The following BTRC variants were observed in gnomAD, a reference collection of about 807,000 sequenced individuals.
BTRC encodes beta-transducin repeat containing E3 ubiquitin protein ligase.
Under a neutral mutation model 85.5 loss-of-function variants are expected in BTRC, and 42 were observed. That is an observed-to-expected ratio of 0.49 (90% CI 0.38 to 0.64). BTRC has a LOEUF of 0.64. Among genes scored for constraint, BTRC ranks in the 30% least tolerant of loss-of-function variants. BTRC has a pLI of 0.00. For synonymous variants in BTRC, 255 were observed against 263.3 expected (o/e 0.97, Z 0.30); for missense variants, 594 against 743.5 (o/e 0.80, Z 2.34).
chr10:101,366,918 TTATATATATTTA>T (rs1415143155), intron 1 of BTRC, among the ~76,000 whole-genome samples: 4 of 3,184 alleles, frequency 1.3e-3, no homozygotes, highest in Admixed American at 8.8e-3. Context: ...TAATATATAT[TTATATATATTTA>T]TATATATTTA....
At chr10:101,529,004 A>C (rs548827867) in intron 6 of BTRC, among the ~76,000 whole-genome samples, 30 of 152,248 alleles carry the variant, frequency 2.0e-4, no homozygotes, top group Non-Finnish European at 3.7e-4. Flanking sequence ...CTGTCTGCTC[A>C]GTAATGGTAA....
At chr10:101,354,307 G>A in intron 1 of BTRC, 79 bp downstream of exon 1, 5 of 1,481,284 alleles carry the variant, frequency 3.4e-6, no homozygotes, top group South Asian at 1.2e-5. Flanking sequence ...CCCGCCCACT[G>A]CGGGACCGGG....
chr10:101,418,363 G>C (rs1944003335), intron 1 of BTRC, among the ~76,000 whole-genome samples: 1 of 151,738 alleles, frequency 6.6e-6, no homozygotes, highest in Non-Finnish European at 1.5e-5. Flanking sequence ...GCAAGACTCT[G>C]TCTCAAAAAA....
chr10:101,386,678 A>C (rs1204135689), intron 1 of BTRC, among the ~76,000 whole-genome samples: 1 of 152,202 alleles, frequency 6.6e-6, no homozygotes, highest in Non-Finnish European at 1.5e-5. Flanking sequence ...CCAGTGTCAC[A>C]ATTGATGACA....
Position 101,366,950 on chromosome 10 carries a change from AT to A in BTRC, c.48+12723del, listed in dbSNP as rs1564730528. Among the ~76,000 whole-genome samples, 60 of 40,578 alleles carry A rather than the reference AT, an allele frequency of 1.5e-3. 2 individuals carry two copies. The highest frequency in any genetic ancestry group is 6.7e-3 in the East Asian group (16 of 2,384). 26.6% of individuals were successfully genotyped at this position (40,578 alleles called of 152,430 possible). ...TATTTATATATATTTATATATATTT[AT>A]ATATATATTTATATAAATATATATT... On this transcript the variant is annotated intron_variant, in intron 1 of 14. Transcript: ENST00000370187.
At chr10:101,474,195 T>C (rs922417619) in intron 3 of BTRC, among the ~76,000 whole-genome samples, 11 of 152,224 alleles carry the variant, frequency 7.2e-5, no homozygotes, top group African/African-American at 2.7e-4. Context: ...ACCAACATTA[T>C]AAATGGTACA....
chr10:101,416,843 A>G (rs1017369476), intron 1 of BTRC, among the ~76,000 whole-genome samples: 2 of 152,042 alleles, frequency 1.3e-5, no homozygotes, highest in Non-Finnish European at 2.9e-5. Context: ...TCCATTTTCT[A>G]TATTTTATTT....
intron 1 of BTRC, among the ~76,000 whole-genome samples, chr10:101,377,102 C>T: frequency 6.6e-6 from 1 of 152,176 alleles, no homozygotes; most frequent in East Asian, 1.9e-4. Flanking sequence ...CCCTCTTCCT[C>T]ACTTCATTTT....
chr10:101,541,550 G>A (rs1454443621), intron 13 of BTRC, among the ~76,000 whole-genome samples: 1 of 152,090 alleles, frequency 6.6e-6, no homozygotes, highest in African/African-American at 2.4e-5. Context: ...GTGAACCACC[G>A]CGCCCGGCCT....
chr10:101,424,361 A>T (rs1001672769), intron 1 of BTRC, among the ~76,000 whole-genome samples: 1 of 152,040 alleles, frequency 6.6e-6, no homozygotes, highest in Non-Finnish European at 1.5e-5. Flanking sequence ...GGGATTCTTA[A>T]GAGGCAATCA....
intron 5 of BTRC, among the ~76,000 whole-genome samples, chr10:101,523,769 G>T (rs2062153340): frequency 6.6e-6 from 1 of 151,888 alleles, no homozygotes; most frequent in South Asian, 2.1e-4. Flanking sequence ...TTCTAAATTT[G>T]TGTTCTCAAA....
intron 1 of BTRC, among the ~76,000 whole-genome samples, chr10:101,383,473 T>C (rs1564739558): frequency 6.6e-6 from 1 of 152,126 alleles, no homozygotes; most frequent in Non-Finnish European, 1.5e-5. Context: ...CGAGCAGATA[T>C]TTTGCTCATG....
At chr10:101,409,401 GTTTATT>G (rs1943715940) in intron 1 of BTRC, among the ~76,000 whole-genome samples, 2 of 152,124 alleles carry the variant, frequency 1.3e-5, no homozygotes, top group South Asian at 4.1e-4. Flanking sequence ...TTTATTAGTA[GTTTATT>G]TTTATGGCTG....
intron 1 of BTRC, 75 bp downstream of exon 1, chr10:101,354,303 C>G: frequency 6.0e-6 from 9 of 1,496,858 alleles, no homozygotes; most frequent in Non-Finnish European, 8.1e-6. Context: ...GCCGCCCGCC[C>G]ACTGCGGGAC....
At chr10:101,396,007 A>C (rs1038403499) in intron 1 of BTRC, among the ~76,000 whole-genome samples, 1 of 151,998 alleles carries the variant, frequency 6.6e-6, no homozygotes, top group Non-Finnish European at 1.5e-5. Context: ...AGCTTTTCCC[A>C]GCTCTAGGGA....
intron 1 of BTRC, among the ~76,000 whole-genome samples, chr10:101,418,080 A>G (rs935861755): frequency 4.6e-5 from 7 of 152,016 alleles, no homozygotes; most frequent in Admixed American, 1.3e-4. Flanking sequence ...TAACACATAC[A>G]TTTAGGCTGG....
chr10:101,497,975 G>T (rs903029210), intron 4 of BTRC, among the ~76,000 whole-genome samples: 2 of 151,224 alleles, frequency 1.3e-5, no homozygotes, highest in African/African-American at 4.9e-5. Context: ...AGCCGTGATC[G>T]TTCCACTGCA....
chr10:101,367,752 T>A (rs557396193), intron 1 of BTRC, among the ~76,000 whole-genome samples: 1 of 152,352 alleles, frequency 6.6e-6, no homozygotes, highest in Non-Finnish European at 1.5e-5. Context: ...GTTCGTAAGA[T>A]GATTCATTCA....
chr10:101,541,674 C>T (rs2062471210), intron 13 of BTRC, among the ~76,000 whole-genome samples: 1 of 152,194 alleles, frequency 6.6e-6, no homozygotes, highest in Admixed American at 6.5e-5. Context: ...GCTTTATCTA[C>T]ATCCATTGAG....
Sources: gnomAD v4.1 joint callset for allele counts (sites outside exome capture counted in the v4.1 genomes callset) on GRCh38, gnomAD v4.1.1 for gene constraint, MANE v1.5 for transcripts, NCBI Gene and HGNC (gene_info 2026-07-23, HGNC 2026-07-21) for gene names.